Variants in TMCC1 observed in about 807,000 individuals in gnomAD.
TMCC1 encodes transmembrane and coiled-coil domains protein 1.
Under a neutral mutation model 52.4 loss-of-function variants are expected in TMCC1, and 15 were observed. The ratio of observed to expected loss-of-function variants is 0.29; its 90% CI spans 0.19 to 0.44. The LOEUF is 0.44. TMCC1 is among the 20% of genes least tolerant of loss of function. TMCC1 has a pLI of 1.00. For synonymous variants in TMCC1, 279 were observed against 301.9 expected (o/e 0.92, Z 0.79); for missense variants, 503 against 806.0 (o/e 0.62, Z 4.55).
chr3:129,664,490 A>G (rs986236207), intron 5 of TMCC1, among the ~76,000 whole-genome samples: 2 of 152,108 alleles, frequency 1.3e-5, no homozygotes, highest in Non-Finnish European at 2.9e-5. Flanking sequence ...TGCTCTTATG[A>G]CTCAGTGCAA....
intron 4 of TMCC1, among the ~76,000 whole-genome samples, chr3:129,770,632 GAAATAAAATA>G (rs564101821): frequency 7.1e-6 from 1 of 140,704 alleles, no homozygotes; most frequent in African/African-American, 2.7e-5. Flanking sequence ...GAAATGAAAT[GAAATAAAATA>G]AAATAAAATA....
At chr3:129,697,664 TCAAA>T (rs1215157008) in intron 4 of TMCC1, among the ~76,000 whole-genome samples, 1 of 152,312 alleles carries the variant, frequency 6.6e-6, no homozygotes, top group East Asian at 1.9e-4. Flanking sequence ...CTGCTTCCTC[TCAAA>T]CACTTTGCCA....
At chr3:129,876,712 T>C (rs2061231523) in intron 2 of TMCC1, among the ~76,000 whole-genome samples, 1 of 152,020 alleles carries the variant, frequency 6.6e-6, no homozygotes, top group Admixed American at 6.6e-5. Context: ...CCCAGCACTT[T>C]TGGAGGCTGA....
chr3:129,678,359 C>CTT (rs71155564), intron 4 of TMCC1, among the ~76,000 whole-genome samples: 4,202 of 117,176 alleles, frequency 0.036, 341 homozygotes, highest in African/African-American at 0.073. Context: ...TTGTTTAATT[C>CTT]TTTTTTTTTT....
At chr3:129,864,744 C>G (rs2060545254) in intron 2 of TMCC1, among the ~76,000 whole-genome samples, 1 of 152,050 alleles carries the variant, frequency 6.6e-6, no homozygotes, top group South Asian at 2.1e-4. Context: ...TGCTGTCTCA[C>G]AAAACAAACA....
At position 129,694,043 on chromosome 3, in the gene TMCC1, C is replaced by G. The variant is rs768775929; in HGVS notation, c.577-22779G>C. 2.6e-5 allele frequency among the ~76,000 whole-genome samples: 4 copies of G among 152,306 alleles called. No homozygotes were observed. In the South Asian group the frequency reaches 6.2e-4, roughly 24 times the overall value. The stretch of plus-strand genomic sequence containing the variant: ...CTAAAAGAAAGTACTCCCAGGAACA[C>G]TGGCCTGATTCCTGAGGTGGTAAGG... On this transcript the variant is annotated intron_variant, in intron 4 of 6. Coordinates refer to ENST00000393238, the MANE Select transcript of TMCC1 (RefSeq NM_001017395.5).
chr3:129,716,728 TCA>T (rs2049140258), intron 4 of TMCC1, among the ~76,000 whole-genome samples: 1 of 152,054 alleles, frequency 6.6e-6, no homozygotes. Context: ...TAAAGCACCC[TCA>T]CCTGTTTGCT....
chr3:129,760,887 C>T (rs1446146560), intron 4 of TMCC1, among the ~76,000 whole-genome samples: 1 of 152,028 alleles, frequency 6.6e-6, no homozygotes, highest in African/African-American at 2.4e-5. Flanking sequence ...GCTAGAATTA[C>T]AGGTGTGAGC....
At chr3:129,753,572 T>A (rs1412531750) in intron 4 of TMCC1, among the ~76,000 whole-genome samples, 1 of 152,190 alleles carries the variant, frequency 6.6e-6, no homozygotes, top group African/African-American at 2.4e-5. Flanking sequence ...TTTTACCATA[T>A]CAAAAGTCTA....
chr3:129,857,058 A>G (rs1043780141), intron 2 of TMCC1, among the ~76,000 whole-genome samples: 1 of 152,128 alleles, frequency 6.6e-6, no homozygotes, highest in Admixed American at 6.5e-5. Context: ...AGCTGGGACT[A>G]CAGGCATACA....
At chr3:129,820,747 G>A (rs1248070035) in intron 4 of TMCC1, among the ~76,000 whole-genome samples, 1 of 152,082 alleles carries the variant, frequency 6.6e-6, no homozygotes, top group Admixed American at 6.6e-5. Flanking sequence ...CTTCCCAGAT[G>A]GTTATAGCAA....
At chr3:129,736,809 T>G (rs1203403178) in intron 4 of TMCC1, among the ~76,000 whole-genome samples, 2 of 152,182 alleles carry the variant, frequency 1.3e-5, no homozygotes, top group South Asian at 4.2e-4. Flanking sequence ...CGTGAGCCAC[T>G]GCGCCCGGCC....
chr3:129,857,766 T>C (rs1355558938), intron 2 of TMCC1, among the ~76,000 whole-genome samples: 1 of 152,078 alleles, frequency 6.6e-6, no homozygotes. Context: ...GGTTTCACCT[T>C]GTTAGCCAGG....
rs144987094 is a variant in TMCC1 at position 129,651,491 on chromosome 3, G to C, written c.1952C>G (p.Ser651Cys). 7 of 1,613,360 alleles carry C rather than the reference G, an allele frequency of 4.3e-6. No individual in the cohort carries two copies. Among genetic ancestry groups the C allele is most frequent in the Non-Finnish European group, 5.9e-6 (7 of 1,179,536 alleles). The part of the protein sequence containing the change: ...LFSYVERFFS[S>C]PR ...CCTTCTGTGCCAGCATCATCTAGGG[G>C]ATGAAAAGAACCGTTCCACATAGCT... is the stretch of plus-strand genomic sequence containing the variant. Residue 651 changes from serine to cysteine, a missense_variant, in exon 7 of 7, where the codon TCC becomes TGC. Physicochemically the swap from Ser to Cys is moderately radical, Grantham distance 112. Transcript: ENST00000393238. This position sits in a 1 kb window ranked among gnomAD's most constrained non-coding sequence, Gnocchi z 5.1.
At chr3:129,789,530 G>T (rs891468376) in intron 4 of TMCC1, among the ~76,000 whole-genome samples, 2 of 152,146 alleles carry the variant, frequency 1.3e-5, no homozygotes, top group African/African-American at 4.8e-5. Flanking sequence ...GCCCAGGCTA[G>T]AGTGCAGTGG....
chr3:129,726,895 A>AAAAAAAAAAAAAAAAAAAAAC (rs1208458810), intron 4 of TMCC1, among the ~76,000 whole-genome samples: 2 of 143,720 alleles, frequency 1.4e-5, no homozygotes, highest in African/African-American at 2.6e-5. Context: ...AAAAAAAAAA[A>AAAAAAAAAAAAAAAAAAAAAC]AAAGAACCAC....
chr3:129,871,157 G>A (rs1323813083), intron 2 of TMCC1, among the ~76,000 whole-genome samples: 1 of 151,946 alleles, frequency 6.6e-6, no homozygotes, highest in Non-Finnish European at 1.5e-5. Context: ...TCAGGAGTTC[G>A]AGACCAGCCT....
intron 4 of TMCC1, among the ~76,000 whole-genome samples, chr3:129,805,628 A>G (rs1202717644): frequency 1.3e-5 from 2 of 152,210 alleles, no homozygotes; most frequent in Non-Finnish European, 2.9e-5. Context: ...GTTTCTAATC[A>G]TAACAATTAA....
chr3:129,813,028 T>C (rs1031601678), intron 4 of TMCC1, among the ~76,000 whole-genome samples: 1 of 152,124 alleles, frequency 6.6e-6, no homozygotes, highest in Admixed American at 6.5e-5. Context: ...TTTCAAAAGA[T>C]AACATGCATG....
Sources: allele counts gnomAD v4.1 joint callset (sites outside exome capture counted in the v4.1 genomes callset), GRCh38; gene constraint gnomAD v4.1.1; non-coding constraint Gnocchi (gnomAD v3.1); transcripts MANE v1.5; gene names NCBI Gene and HGNC (gene_info 2026-07-23, HGNC 2026-07-21).